The following SHMT1 variants were observed in gnomAD, a reference collection of about 807,000 sequenced individuals.
SHMT1 encodes the protein serine hydroxymethyltransferase, cytosolic.
SHMT1 carries 45 observed loss-of-function variants against 49.0 expected under a neutral mutation model. The observed-to-expected ratio is 0.92, with a 90% CI of 0.72 to 1.18. The LOEUF is 1.18. SHMT1 is among the 50% of genes most tolerant of loss of function. The probability of loss-of-function intolerance (pLI) is 0.00; values close to 1 mark genes in which losing one functional copy is unlikely to be tolerated. For synonymous variants in SHMT1, 232 were observed against 246.6 expected, an observed-to-expected ratio of 0.94 and a Z score of 0.55; for missense variants, 541 against 612.4, an observed-to-expected ratio of 0.88 and a Z score of 1.23.
intron 3 of SHMT1, 31 bp downstream of exon 3, chr17:18,353,641 C>T: frequency 6.2e-7 from 1 of 1,612,446 alleles, no homozygotes; most frequent in Non-Finnish European, 8.5e-7. Context: ...ATGACTGTGT[C>T]AGAACCAGGC....
chr17:18,330,773 G>C lies in SHMT1; in HGVS notation c.1055-102C>G, dbSNP rs1352864418. 14 of 810,544 alleles carry C rather than the reference G, an allele frequency of 1.7e-5. No homozygotes were observed. In the South Asian group the frequency reaches 1.8e-4, roughly 11 times the overall value. 50.2% of individuals were successfully genotyped at this position (810,544 alleles called of 1,614,324 possible). On this transcript the variant is annotated intron_variant, in intron 9 of 11. Coordinates refer to ENST00000316694, the MANE Select transcript of SHMT1 (RefSeq NM_004169.5). Reference sequence around the variant, plus strand: ...GATGAAGGCAGTCAAAGCAGATGAGGTCAGGAAGGTGAGCACCCCCACCAC... The same window carrying C: ...GATGAAGGCAGTCAAAGCAGATGAGCTCAGGAAGGTGAGCACCCCCACCAC...
intron 5 of SHMT1, among the ~76,000 whole-genome samples, chr17:18,347,138 G>A (rs1444690460): frequency 1.3e-5 from 2 of 152,220 alleles, no homozygotes; most frequent in Non-Finnish European, 2.9e-5. Context: ...GTCACCAGGC[G>A]AGGGCAGAGC....
chr17:18,355,369 CAAAAAAAA>C (rs778650524), intron 2 of SHMT1, among the ~76,000 whole-genome samples: 1 of 62,754 alleles, frequency 1.6e-5, no homozygotes, highest in Admixed American at 1.9e-4. Context: ...GACTCTGTCT[CAAAAAAAA>C]AAAAAAAAAA....
Position 18,353,901 on chromosome 17 carries a change from G to GA in SHMT1, c.97-85dup, listed in dbSNP as rs1985967163. 18 of 1,161,066 alleles carry GA rather than the reference G, an allele frequency of 1.6e-5. No homozygotes were observed. The East Asian group carries it at 4.2e-4, about 27-fold the overall frequency. 71.9% of individuals were successfully genotyped at this position (1,161,066 alleles called of 1,614,324 possible). On this transcript the variant is annotated intron_variant, in intron 2 of 11. Transcript: ENST00000316694. Reference sequence around the variant, plus strand: ...GATCCAAATTACAACCTCCTAAAGAGAAAAGACACTCTTTCACATTATGGA... The same window carrying GA: ...GATCCAAATTACAACCTCCTAAAGAGAAAAAGACACTCTTTCACATTATGGA...
chr17:18,352,150 CTTT>C (rs60700438), intron 3 of SHMT1, among the ~76,000 whole-genome samples: 1 of 132,780 alleles, frequency 7.5e-6, no homozygotes, highest in Admixed American at 8.1e-5. Context: ...CAGTCCCCTT[CTTT>C]TTTTTTTTTT....
intron 7 of SHMT1, 120 bp from the exon 8 acceptor site, chr17:18,335,795 G>A (rs1174971797): frequency 8.8e-6 from 7 of 798,414 alleles, no homozygotes; most frequent in African/African-American, 1.7e-5. Context: ...ATCCTGGCAT[G>A]GAGAACTGAT....
chr17:18,353,619 T>G (rs763013267), intron 3 of SHMT1, 53 bp downstream of exon 3: 6 of 1,586,416 alleles, frequency 3.8e-6, no homozygotes, highest in Non-Finnish European at 4.3e-6. Context: ...CTAGGCTGAC[T>G]GAGTACTCCC....
chr17:18,350,037 A>AT (rs1381013956), intron 3 of SHMT1, among the ~76,000 whole-genome samples: 1 of 151,610 alleles, frequency 6.6e-6, no homozygotes, highest in Admixed American at 6.6e-5. Flanking sequence ...ATAAAAATAG[A>AT]TAAAAAATAG....
intron 7 of SHMT1, among the ~76,000 whole-genome samples, chr17:18,339,646 C>T (rs1984263722): frequency 6.6e-6 from 1 of 152,062 alleles, no homozygotes; most frequent in African/African-American, 2.4e-5. Flanking sequence ...CTGCAAGCTC[C>T]ACCTCCCAGG....
chr17:18,344,857 T>G (rs1444695688), intron 5 of SHMT1, among the ~76,000 whole-genome samples: 1 of 152,170 alleles, frequency 6.6e-6, no homozygotes, highest in African/African-American at 2.4e-5. Flanking sequence ...TTAATGTTGC[T>G]GTTGCTCTAG....
At chr17:18,342,674 G>A (rs2151582953) in intron 5 of SHMT1, among the ~76,000 whole-genome samples, 1 of 152,066 alleles carries the variant, frequency 6.6e-6, no homozygotes, top group African/African-American at 2.4e-5. Context: ...GGTGGCTTAT[G>A]CCTGCAGTTC....
intron 7 of SHMT1, among the ~76,000 whole-genome samples, chr17:18,336,919 C>T (rs1185414832): frequency 6.6e-6 from 1 of 152,098 alleles, no homozygotes. Context: ...GCACTGCAGC[C>T]TGAGTGACAG....
intron 5 of SHMT1, among the ~76,000 whole-genome samples, chr17:18,345,665 G>A (rs1244000050): frequency 6.7e-6 from 1 of 150,346 alleles, no homozygotes; most frequent in African/African-American, 2.4e-5. Flanking sequence ...GTGAGCAACT[G>A]CACCCTGCCT....
At chr17:18,344,493 C>A (rs1455955408) in intron 5 of SHMT1, among the ~76,000 whole-genome samples, 1 of 134,538 alleles carries the variant, frequency 7.4e-6, no homozygotes, top group African/African-American at 2.8e-5. Flanking sequence ...ATAGTGAGAT[C>A]TTGTTCTCCA....
Position 18,355,884 on chromosome 17 carries a change from A to C in SHMT1, c.96+2T>G. ...AATCTGTGAAGACCCCAAAAATCTC[A>C]CCTCAACATCACTGTCTTTGAGGGG... On this transcript the variant is annotated splice_donor_variant, in intron 2 of 11. Coordinates refer to ENST00000316694, the MANE Select transcript of SHMT1 (RefSeq NM_004169.5). LOFTEE classifies it high-confidence loss of function. 6.2e-7 allele frequency: 1 copy of C among 1,606,288 alleles called. No homozygotes were observed. Among genetic ancestry groups the C allele is most frequent in the Non-Finnish European group, 8.5e-7 (1 of 1,173,054 alleles).
chr17:18,355,211 A>G (rs1986120528), intron 2 of SHMT1, among the ~76,000 whole-genome samples: 1 of 149,482 alleles, frequency 6.7e-6, no homozygotes, highest in South Asian at 2.1e-4. Context: ...CTACTAAAAA[A>G]TACAAAAAAT....
chr17:18,347,474 T>C lies in SHMT1; in HGVS notation c.519+22A>G, dbSNP rs545535156. ...AGAGGTTTCCCAAGGAAATAAAAGC[T>C]AGGAGAGAAACACATGCTTACCTTG... On this transcript the variant is annotated intron_variant, in intron 5 of 11. Coordinates refer to ENST00000316694, the MANE Select transcript of SHMT1 (RefSeq NM_004169.5). 1.1e-5 allele frequency: 18 copies of C among 1,613,148 alleles called. No individual in the cohort carries two copies. The East Asian group carries it at 4.0e-4, about 36-fold the overall frequency.
At chr17:18,350,135 T>C (rs1985530355) in intron 3 of SHMT1, among the ~76,000 whole-genome samples, 2 of 152,096 alleles carry the variant, frequency 1.3e-5, no homozygotes, top group Admixed American at 1.3e-4. Context: ...GAGACCATCC[T>C]GGCTAACATG....
intron 11 of SHMT1, 98 bp downstream of exon 11, chr17:18,329,178 TGC>T (rs1168608327): frequency 1.0e-6 from 1 of 954,066 alleles, no homozygotes; most frequent in African/African-American, 1.6e-5. Context: ...TCAGCCTTGG[TGC>T]AGAATTGTCT....
Sources: gnomAD v4.1 joint callset for allele counts (sites outside exome capture counted in the v4.1 genomes callset) on GRCh38, gnomAD v4.1.1 for gene constraint, MANE v1.5 for transcripts, NCBI Gene and HGNC (gene_info 2026-07-23, HGNC 2026-07-21) for gene names.